Variants in CACNB4 observed in about 807,000 individuals in gnomAD.
The protein encoded by CACNB4 is voltage-dependent L-type calcium channel subunit beta-4.
In CACNB4, 32 loss-of-function variants were observed where a neutral mutation model predicts 71.2. The observed-to-expected ratio is 0.45, with a 90% confidence interval of 0.34 to 0.60. CACNB4 has a LOEUF of 0.60. Among genes scored for constraint, CACNB4 ranks in the 20% least tolerant of loss-of-function variants. The pLI is 0.01. For missense variants in CACNB4, 464 were observed against 647.9 expected, an observed-to-expected ratio of 0.72 and a Z score of 3.08; for synonymous variants, 231 against 236.9, an observed-to-expected ratio of 0.97 and a Z score of 0.23.
intron 2 of CACNB4, among the ~76,000 whole-genome samples, chr2:152,001,770 G>A (rs1397939591): frequency 6.6e-6 from 1 of 151,790 alleles, no homozygotes; most frequent in Non-Finnish European, 1.5e-5. Context: ...GCTTCCGGAG[G>A]ATGATGTTTA....
intron 2 of CACNB4, among the ~76,000 whole-genome samples, chr2:151,956,023 T>C (rs1433907994): frequency 1.3e-4 from 20 of 152,194 alleles, no homozygotes; most frequent in Non-Finnish European, 1.0e-4. Flanking sequence ...ATGTCCACAA[T>C]TTTTGTACTT....
chr2:151,988,596 G>A (rs898866487), intron 2 of CACNB4, among the ~76,000 whole-genome samples: 2 of 152,274 alleles, frequency 1.3e-5, no homozygotes, highest in African/African-American at 2.4e-5. Flanking sequence ...CTGAATTTTG[G>A]AGGCTGAGAA....
chr2:152,041,539 T>A (rs957229369), intron 2 of CACNB4, among the ~76,000 whole-genome samples: 5 of 152,162 alleles, frequency 3.3e-5, no homozygotes, highest in African/African-American at 1.2e-4. Context: ...TATTGCTGGT[T>A]ATGAGAGTTT....
intron 2 of CACNB4, among the ~76,000 whole-genome samples, chr2:151,960,817 G>T (rs2099869465): frequency 6.6e-6 from 1 of 152,178 alleles, no homozygotes; most frequent in Admixed American, 6.5e-5. Flanking sequence ...ACAGCTTTCA[G>T]AATTCCATTA....
intron 2 of CACNB4, among the ~76,000 whole-genome samples, chr2:151,982,195 T>C (rs1243190897): frequency 2.0e-5 from 3 of 152,240 alleles, no homozygotes; most frequent in Non-Finnish European, 4.4e-5. Flanking sequence ...CCACCTTCAA[T>C]TTTAGCAAGG....
chr2:151,982,477 CA>C (rs1330162905), intron 2 of CACNB4, among the ~76,000 whole-genome samples: 10 of 151,872 alleles, frequency 6.6e-5, no homozygotes, highest in Non-Finnish European at 1.2e-4. Context: ...ACTAAAAATA[CA>C]AAAAAATCAG....
At chr2:152,052,487 T>C (rs1685493884) in intron 2 of CACNB4, among the ~76,000 whole-genome samples, 1 of 151,690 alleles carries the variant, frequency 6.6e-6, no homozygotes, top group South Asian at 2.1e-4. Flanking sequence ...AGAGACAGGG[T>C]TTTGCCACGT....
chr2:151,882,636 T>C (rs1163916364), intron 3 of CACNB4, among the ~76,000 whole-genome samples: 1 of 152,192 alleles, frequency 6.6e-6, no homozygotes, highest in Non-Finnish European at 1.5e-5. Flanking sequence ...CCCTAGTGAC[T>C]CTTCTGGTTC....
chr2:151,882,181 CTTTTTTTTTT>C (rs35206904), intron 3 of CACNB4, among the ~76,000 whole-genome samples: 56 of 50,844 alleles, frequency 1.1e-3, no homozygotes, highest in South Asian at 2.7e-3. Context: ...ACCGGCCCCT[CTTTTTTTTTT>C]TTTTTTTTTT....
chr2:151,894,862 A>T (rs1395996659), intron 2 of CACNB4, among the ~76,000 whole-genome samples: 2 of 152,226 alleles, frequency 1.3e-5, no homozygotes, highest in Non-Finnish European at 2.9e-5. Flanking sequence ...TTAATCAAGG[A>T]GGTGAAAGAC....
chr2:151,971,402 C>A (rs753265107), intron 2 of CACNB4: 13 of 645,286 alleles, frequency 2.0e-5, no homozygotes, highest in Non-Finnish European at 3.4e-5. Context: ...CAACCCCCAC[C>A]CCCAACCGAA....
At chr2:152,093,163 A>C (rs1290272712) in intron 2 of CACNB4, among the ~76,000 whole-genome samples, 1 of 152,034 alleles carries the variant, frequency 6.6e-6, no homozygotes, top group Admixed American at 6.6e-5. Context: ...GCTCAGTGTG[A>C]TGTTTGCTGT....
intron 2 of CACNB4, among the ~76,000 whole-genome samples, chr2:152,069,830 C>A: frequency 6.9e-6 from 1 of 144,366 alleles, no homozygotes. Context: ...ACAACGACTT[C>A]ATCAATCTTT....
At chr2:151,924,294 G>A (rs2099859699) in intron 2 of CACNB4, among the ~76,000 whole-genome samples, 1 of 151,232 alleles carries the variant, frequency 6.6e-6, no homozygotes, top group South Asian at 2.1e-4. Flanking sequence ...TAGCCAGGAT[G>A]GTCTTGATCT....
chr2:151,987,016 C>T (rs1432178357), intron 2 of CACNB4, among the ~76,000 whole-genome samples: 4 of 152,182 alleles, frequency 2.6e-5, no homozygotes, highest in African/African-American at 9.6e-5. Context: ...TGCTGACAAC[C>T]AGTGCGCTGT....
chr2:151,939,603 G>A lies in CACNB4; in HGVS notation c.148-56233C>T, dbSNP rs547885048. On this transcript the variant is annotated intron_variant, in intron 2 of 13. Coordinates refer to ENST00000539935, the MANE Select transcript of CACNB4 (RefSeq NM_000726.5). ...TGGGCTGTGCTCTTCTCTCTGGCAGGTGAGGAACTTGCACCCATAGTTACG... is the reference window on the plus strand; with the variant it reads ...TGGGCTGTGCTCTTCTCTCTGGCAGATGAGGAACTTGCACCCATAGTTACG... 2.1e-3 allele frequency among the ~76,000 whole-genome samples: 316 copies of A among 152,282 alleles called. 3 individuals are homozygous for A. The highest frequency in any genetic ancestry group is 7.1e-3 in the African/African-American group (295 of 41,554).
chr2:152,058,033 C>A (rs1440763767), intron 2 of CACNB4, among the ~76,000 whole-genome samples: 1 of 152,122 alleles, frequency 6.6e-6, no homozygotes, highest in East Asian at 1.9e-4. Context: ...CTCACAAGGT[C>A]TGATGGTTTT....
intron 4 of CACNB4, 70 bp from the exon 5 acceptor site, chr2:151,876,626 G>C (rs2099846322): frequency 1.1e-6 from 1 of 891,294 alleles, no homozygotes; most frequent in African/African-American, 2.2e-5. Flanking sequence ...TAATCTTAGG[G>C]GACAAGAAGA....
Position 152,098,564 on chromosome 2 carries a change from GCCCCCA to G in CACNB4, c.64-157_64-152del. ...GTCTCCTCCGCGACTCCCAAATACA[GCCCCCA>G]CCCCCACCCACCCACTGCAAGCCTC... On this transcript the variant is annotated intron_variant, in intron 1 of 13. Coordinates refer to ENST00000539935, the MANE Select transcript of CACNB4 (RefSeq NM_000726.5). The surrounding 1 kb of genome is among the most constrained non-coding windows in gnomAD (Gnocchi z 5.3). The G allele has an allele frequency of 3.2e-6, 3 of 931,258 alleles. No individual in the cohort carries two copies. Among genetic ancestry groups the G allele is most frequent in the Non-Finnish European group, 5.1e-6 (3 of 583,186 alleles). The allele number at this position is 931,258 out of a possible 1,614,324, so 57.7% of individuals were successfully genotyped here.
Sources: allele counts gnomAD v4.1 joint callset (sites outside exome capture counted in the v4.1 genomes callset), GRCh38; gene constraint gnomAD v4.1.1; non-coding constraint Gnocchi (gnomAD v3.1); transcripts MANE v1.5; gene names NCBI Gene and HGNC (gene_info 2026-07-23, HGNC 2026-07-21).